Variants in PGCKA1 observed in about 807,000 individuals in gnomAD.
The protein encoded by PGCKA1 is PDCD10 and GCKIII kinases-associated protein 1.
the PGCKA1 span, among the ~76,000 whole-genome samples, chr4:37,556,885 C>T: frequency 6.6e-6 from 1 of 152,166 alleles, no homozygotes; most frequent in Non-Finnish European, 1.5e-5. Flanking sequence ...ATAGAATAAT[C>T]ATGGGACAAT....
chr4:37,579,407 C>A, the PGCKA1 span, among the ~76,000 whole-genome samples: 2 of 152,148 alleles, frequency 1.3e-5, no homozygotes, highest in Admixed American at 1.3e-4. Flanking sequence ...ACATCCCTTT[C>A]TTTCTGATTG....
At chr4:37,543,775 A>C in the PGCKA1 span, among the ~76,000 whole-genome samples, 1 of 151,672 alleles carries the variant, frequency 6.6e-6, no homozygotes, top group Non-Finnish European at 1.5e-5. Context: ...CAGAGCTTGC[A>C]GTGAGCCGAG....
the PGCKA1 span, among the ~76,000 whole-genome samples, chr4:37,506,412 A>G: frequency 6.6e-6 from 1 of 152,090 alleles, no homozygotes; most frequent in Non-Finnish European, 1.5e-5. Context: ...ACTCATAGCT[A>G]TAAACTTTCC....
the PGCKA1 span, among the ~76,000 whole-genome samples, chr4:37,529,237 C>T: frequency 1.3e-5 from 2 of 152,174 alleles, no homozygotes; most frequent in East Asian, 1.9e-4. Context: ...TCCCTGGAAA[C>T]ATATTGAATT....
At chr4:37,575,206 A>G in the PGCKA1 span, among the ~76,000 whole-genome samples, 5 of 150,138 alleles carry the variant, frequency 3.3e-5, no homozygotes, top group African/African-American at 1.3e-4. Context: ...ACTAATTTAC[A>G]TTCCCACCAA....
chr4:37,546,346 A>C, the PGCKA1 span, among the ~76,000 whole-genome samples: 1 of 152,184 alleles, frequency 6.6e-6, no homozygotes, highest in Non-Finnish European at 1.5e-5. Context: ...GGTAGTTAAA[A>C]GTCAACTCAT....
At chr4:37,463,054 G>A in the PGCKA1 span, among the ~76,000 whole-genome samples, 1 of 150,704 alleles carries the variant, frequency 6.6e-6, no homozygotes, top group Non-Finnish European at 1.5e-5. Context: ...TTATGGATAA[G>A]AAAACTGAGG....
chr4:37,459,184 A>C, the PGCKA1 span, among the ~76,000 whole-genome samples: 1 of 152,204 alleles, frequency 6.6e-6, no homozygotes, highest in Non-Finnish European at 1.5e-5. Flanking sequence ...TTCATGATTT[A>C]TATGCTAAGA....
At chr4:37,496,157 G>A in the PGCKA1 span, among the ~76,000 whole-genome samples, 2 of 152,182 alleles carry the variant, frequency 1.3e-5, no homozygotes, top group East Asian at 1.9e-4. Context: ...CTTTTGTTGC[G>A]ATTACTTTTG....
At chr4:37,509,639 C>T in the PGCKA1 span, among the ~76,000 whole-genome samples, 10 of 151,222 alleles carry the variant, frequency 6.6e-5, no homozygotes, top group African/African-American at 1.7e-4. Context: ...TGTAGCGAGC[C>T]GAGATCACGC....
the PGCKA1 span, among the ~76,000 whole-genome samples, chr4:37,540,348 G>T: frequency 6.6e-6 from 1 of 152,180 alleles, no homozygotes; most frequent in Non-Finnish European, 1.5e-5. Flanking sequence ...CAAAAAGAAA[G>T]TTTTTGTACT....
the PGCKA1 span, among the ~76,000 whole-genome samples, chr4:37,481,045 A>G: frequency 1.3e-5 from 2 of 152,318 alleles, no homozygotes; most frequent in East Asian, 3.9e-4. Context: ...CTGGCTAGCT[A>G]TCTAATCCAG....
At chr4:37,586,522 G>GA in the PGCKA1 span, among the ~76,000 whole-genome samples, 1 of 152,210 alleles carries the variant, frequency 6.6e-6, no homozygotes, top group Admixed American at 6.5e-5. Flanking sequence ...GAGTTGGAAG[G>GA]ACAAGGGGTT....
the PGCKA1 span, among the ~76,000 whole-genome samples, chr4:37,551,821 T>G: frequency 3.3e-5 from 5 of 152,208 alleles, no homozygotes; most frequent in South Asian, 1.0e-3. Flanking sequence ...TACCTGTACT[T>G]CTTCAAATGA....
At chr4:37,571,355 C>CATTTTTTTTTTTTTTTTTTTTTTTTT in the PGCKA1 span, among the ~76,000 whole-genome samples, 1 of 78,036 alleles carries the variant, frequency 1.3e-5, no homozygotes. Context: ...GACTATTATC[C>CATTTTTTTTTTTTTTTTTTTTTTTTT]TTTTTTTTTT....
the PGCKA1 span, among the ~76,000 whole-genome samples, chr4:37,475,920 G>GA: frequency 7.9e-4 from 118 of 150,132 alleles, no homozygotes; most frequent in African/African-American, 2.7e-3. Flanking sequence ...GAAGAGAAAG[G>GA]AAAAAAACTA....
the PGCKA1 span, among the ~76,000 whole-genome samples, chr4:37,527,732 A>C: frequency 6.6e-6 from 1 of 151,568 alleles, no homozygotes. Context: ...TGGGAGGCTG[A>C]GGCAGGAGAA....
At chr4:37,462,888 C>T in the PGCKA1 span, among the ~76,000 whole-genome samples, 2 of 140,058 alleles carry the variant, frequency 1.4e-5, no homozygotes, top group South Asian at 2.4e-4. Context: ...CCCAGCTACT[C>T]GGGAGGCTGA....
chr4:37,513,035 C>T, the PGCKA1 span, among the ~76,000 whole-genome samples: 1 of 150,980 alleles, frequency 6.6e-6, no homozygotes, highest in African/African-American at 2.4e-5. Flanking sequence ...TTTCAGTGAG[C>T]CAAGGTCATG....
Sources: allele counts gnomAD v4.1 joint callset (sites outside exome capture counted in the v4.1 genomes callset), GRCh38; gene constraint gnomAD v4.1.1; transcripts MANE v1.5; gene names NCBI Gene and HGNC (gene_info 2026-07-23, HGNC 2026-07-21).